MAP3K20: variants seen among roughly 807,000 people sequenced by gnomAD.
MAP3K20 encodes mitogen-activated protein kinase kinase kinase 20, also known as HCCS-4.
MAP3K20 carries 40 observed loss-of-function variants against 85.7 expected under a neutral mutation model. The ratio of observed to expected loss-of-function variants is 0.47; its 90% confidence interval spans 0.36 to 0.61. MAP3K20 has a LOEUF of 0.61. Ranked by LOEUF, MAP3K20 falls within the 20% of genes least tolerant of loss-of-function variation. MAP3K20 has a pLI of 0.00. For synonymous variants in MAP3K20, 325 were observed against 327.7 expected (o/e 0.99, Z 0.09); for missense variants, 817 against 961.7 (o/e 0.85, Z 1.99).
chr2:173,226,818 C>T (rs1354951003), intron 11 of MAP3K20: 1 of 983,566 alleles, frequency 1.0e-6, no homozygotes. Flanking sequence ...TATTTATATT[C>T]TTTGAGTGTG....
chr2:173,126,936 A>C (rs1688462605), intron 2 of MAP3K20, among the ~76,000 whole-genome samples: 1 of 152,136 alleles, frequency 6.6e-6, no homozygotes, highest in African/African-American at 2.4e-5. Flanking sequence ...AATGTTCTTA[A>C]CTTCTGTGCT....
chr2:173,261,100 C>G lies in MAP3K20; in HGVS notation c.1514C>G (p.Ala505Gly). ...FVMEKWIVGIAKSQTVECTVT... is the reference protein window; with the variant it reads ...FVMEKWIVGIGKSQTVECTVT... ...ATGGAGAAGTGGATTGTAGGAATAG[C>G]AAAAAGTCAGACTGTGGAGTGCACT... The change falls in exon 18 of 20, where the codon GCA (alanine) becomes GGA (glycine). Residue 505 changes from alanine (A) to glycine (G), a missense_variant. Ala to Gly is a moderately conservative substitution (Grantham distance 60, BLOSUM62 0). Coordinates refer to ENST00000375213, the MANE Select transcript of MAP3K20 (RefSeq NM_016653.3). The G allele has an allele frequency of 6.2e-7, 1 of 1,613,680 alleles. No homozygotes were observed. The highest frequency in any genetic ancestry group is 1.7e-5 in the Admixed American group (1 of 60,014).
chr2:173,114,555 C>T (rs1354317364), intron 2 of MAP3K20, among the ~76,000 whole-genome samples: 3 of 152,096 alleles, frequency 2.0e-5, no homozygotes, highest in Non-Finnish European at 1.5e-5. Flanking sequence ...GGATTTGTTT[C>T]GAGATTTACA....
chr2:173,214,745 CAAG>C (rs1487199886), intron 10 of MAP3K20, among the ~76,000 whole-genome samples: 1 of 152,130 alleles, frequency 6.6e-6, no homozygotes, highest in Non-Finnish European at 1.5e-5. Context: ...ATTTGGCTTA[CAAG>C]AAGACCATAA....
At chr2:173,233,063 A>G (rs999116090) in intron 14 of MAP3K20, among the ~76,000 whole-genome samples, 1 of 152,232 alleles carries the variant, frequency 6.6e-6, no homozygotes, top group Admixed American at 6.5e-5. Flanking sequence ...CTGGTGGAGA[A>G]AACAGATACT....
chr2:173,204,442 G>A (rs1345007), intron 9 of MAP3K20, among the ~76,000 whole-genome samples: 150,816 of 152,322 alleles, frequency 0.99, 74,680 homozygotes, highest in Middle Eastern at 1. Flanking sequence ...CAAAAGTAGC[G>A]CTTCTAGAGC....
intron 3 of MAP3K20, among the ~76,000 whole-genome samples, chr2:173,180,210 A>T (rs192704143): frequency 5.3e-4 from 80 of 152,356 alleles, no homozygotes; most frequent in Admixed American, 2.0e-3. Flanking sequence ...CTCATTTCAA[A>T]ACTTATAAAT....
At chr2:173,129,451 A>C (rs1382048297) in intron 2 of MAP3K20, among the ~76,000 whole-genome samples, 19 of 152,198 alleles carry the variant, frequency 1.2e-4, no homozygotes, top group Admixed American at 1.2e-3. Context: ...GGAAACTGTA[A>C]GATGCCACCA....
chr2:173,250,541 C>G (rs1685018901), intron 16 of MAP3K20, among the ~76,000 whole-genome samples: 1 of 152,236 alleles, frequency 6.6e-6, no homozygotes, highest in African/African-American at 2.4e-5. Context: ...AGCAGCTGCA[C>G]ATCTCAAAGA....
intron 2 of MAP3K20, among the ~76,000 whole-genome samples, chr2:173,092,854 T>C (rs894141483): frequency 6.6e-6 from 1 of 152,068 alleles, no homozygotes. Flanking sequence ...GAAAATGACA[T>C]AGGAAAGTGC....
chr2:173,094,567 G>T (rs767823216), intron 2 of MAP3K20, among the ~76,000 whole-genome samples: 40 of 152,122 alleles, frequency 2.6e-4, no homozygotes, highest in Non-Finnish European at 4.4e-4. Context: ...GCTTAATCTG[G>T]AACAGTTTCT....
intron 2 of MAP3K20, among the ~76,000 whole-genome samples, chr2:173,145,930 G>GAT (rs3037115): frequency 0.023 from 3,535 of 151,358 alleles, 63 homozygotes; most frequent in Middle Eastern, 0.037. Flanking sequence ...ATGAACTACT[G>GAT]ATATATATAT....
At chr2:173,228,322 CCTCT>C (rs1284846103) in intron 11 of MAP3K20, among the ~76,000 whole-genome samples, 1 of 152,238 alleles carries the variant, frequency 6.6e-6, no homozygotes, top group Admixed American at 6.5e-5. Flanking sequence ...CCTGTCCCTC[CCTCT>C]CCCGCCATGC....
At chr2:173,179,708 A>T (rs199800015) in intron 3 of MAP3K20, among the ~76,000 whole-genome samples, 1 of 59,648 alleles carries the variant, frequency 1.7e-5, no homozygotes, top group African/African-American at 4.3e-5. Context: ...GAATGCGCAC[A>T]CACACACACA....
intron 16 of MAP3K20, among the ~76,000 whole-genome samples, chr2:173,242,177 AT>A (rs111864866): frequency 1.1e-3 from 152 of 142,598 alleles, no homozygotes; most frequent in East Asian, 1.7e-3. Context: ...AGAAAAAAAA[AT>A]TTTTTTTTTT....
intron 3 of MAP3K20, among the ~76,000 whole-genome samples, chr2:173,176,631 G>A (rs1690169144): frequency 2.0e-5 from 3 of 152,112 alleles, no homozygotes; most frequent in Admixed American, 1.3e-4. Context: ...CAATAAAGGC[G>A]GAACAGGAGA....
chr2:173,133,625 C>G (rs1040474451), intron 2 of MAP3K20, among the ~76,000 whole-genome samples: 2 of 152,098 alleles, frequency 1.3e-5, no homozygotes, highest in Admixed American at 6.6e-5. Context: ...GGCTGTGCTT[C>G]AAAATGACGT....
At chr2:173,111,665 A>G (rs1278654782) in intron 2 of MAP3K20, among the ~76,000 whole-genome samples, 1 of 152,132 alleles carries the variant, frequency 6.6e-6, no homozygotes, top group Non-Finnish European at 1.5e-5. Flanking sequence ...TCCCAGCACC[A>G]TTTGTTGAAA....
At chr2:173,237,018 C>CTTTTTT (rs1388150311) in intron 14 of MAP3K20, among the ~76,000 whole-genome samples, 18 of 119,902 alleles carry the variant, frequency 1.5e-4, no homozygotes, top group East Asian at 3.6e-4. Flanking sequence ...AGTATATCCA[C>CTTTTTT]CTTTTTTTTT....
Sources: gnomAD v4.1 joint callset for allele counts (sites outside exome capture counted in the v4.1 genomes callset) on GRCh38, gnomAD v4.1.1 for gene constraint, MANE v1.5 for transcripts, NCBI Gene and HGNC (gene_info 2026-07-23, HGNC 2026-07-21) for gene names.